Variants in CCDC148 observed in about 807,000 individuals in gnomAD.
CCDC148 encodes the protein coiled-coil domain containing 148.
CCDC148 carries 89 observed loss-of-function variants against 85.7 expected under a neutral mutation model. That is an observed-to-expected ratio of 1.04 (90% CI 0.87 to 1.24). CCDC148 has a LOEUF of 1.24. CCDC148 is among the 50% of genes most tolerant of loss of function. The probability of loss-of-function intolerance (pLI) is 0.00; values close to 1 mark genes in which losing one functional copy is unlikely to be tolerated. For synonymous variants in CCDC148, 230 were observed against 213.9 expected, an observed-to-expected ratio of 1.08 and a Z score of -0.66; for missense variants, 692 against 671.7, an observed-to-expected ratio of 1.03 and a Z score of -0.33.
chr2:158,185,914 T>C (rs879347782), intron 11 of CCDC148, among the ~76,000 whole-genome samples: 1 of 151,998 alleles, frequency 6.6e-6, no homozygotes, highest in Non-Finnish European at 1.5e-5. Flanking sequence ...CATGCCCCAA[T>C]AGTTTAAATA....
intron 1 of CCDC148, among the ~76,000 whole-genome samples, chr2:158,429,587 C>T (rs944017121): frequency 3.9e-5 from 6 of 152,068 alleles, no homozygotes; most frequent in East Asian, 1.9e-4. Flanking sequence ...ACATCCAATG[C>T]GTAAGTGCAT....
At chr2:158,354,298 T>C (rs1041186798) in intron 2 of CCDC148, among the ~76,000 whole-genome samples, 5 of 151,986 alleles carry the variant, frequency 3.3e-5, no homozygotes, top group African/African-American at 1.2e-4. Context: ...AGCTGGTTTT[T>C]TGAAAGGATC....
chr2:158,312,038 TTGCC>T (rs1692044628), intron 8 of CCDC148, among the ~76,000 whole-genome samples: 2 of 152,196 alleles, frequency 1.3e-5, no homozygotes, highest in African/African-American at 4.8e-5. Context: ...ATTCTTTATT[TTGCC>T]AGTATAGACC....
At chr2:158,194,796 C>T (rs1183825647) in intron 11 of CCDC148, among the ~76,000 whole-genome samples, 3 of 152,064 alleles carry the variant, frequency 2.0e-5, no homozygotes, top group Non-Finnish European at 4.4e-5. Context: ...AATGCCTGGT[C>T]CACAGTTCAC....
chr2:158,441,199 A>G (rs1393854113), intron 1 of CCDC148, among the ~76,000 whole-genome samples: 1 of 152,218 alleles, frequency 6.6e-6, no homozygotes, highest in Non-Finnish European at 1.5e-5. Context: ...TACTGGGGTG[A>G]GTGGATCACG....
chr2:158,268,508 C>T lies in CCDC148; in HGVS notation c.1111-17596G>A, dbSNP rs551775177. On this transcript the variant is annotated intron_variant, in intron 9 of 13. Coordinates refer to ENST00000283233, the MANE Select transcript of CCDC148 (RefSeq NM_138803.4). Reference sequence around the variant, plus strand: ...TATTAAGGTATACAACATGATGATTCTATATCTATGAATTTTGTGACATGA... The same window carrying T: ...TATTAAGGTATACAACATGATGATTTTATATCTATGAATTTTGTGACATGA... Among the ~76,000 whole-genome samples the T allele has an allele frequency of 3.0e-4, 46 of 152,166 alleles. 1 individual carries two copies. The highest frequency in any genetic ancestry group is 1.3e-3 in the Admixed American group (20 of 15,266).
At chr2:158,321,996 C>A (rs1278426774) in intron 7 of CCDC148, among the ~76,000 whole-genome samples, 1 of 152,126 alleles carries the variant, frequency 6.6e-6, no homozygotes, top group Admixed American at 6.6e-5. Flanking sequence ...ACGGCAATCT[C>A]CAATGCCCTG....
intron 9 of CCDC148, among the ~76,000 whole-genome samples, chr2:158,272,888 A>T (rs1041994391): frequency 1.4e-4 from 22 of 152,226 alleles, no homozygotes; most frequent in Non-Finnish European, 2.6e-4. Flanking sequence ...GGATATATTA[A>T]TTAGCATGAC....
chr2:158,436,202 T>G lies in CCDC148; in HGVS notation c.25+20213A>C, dbSNP rs373785578. On this transcript the variant is annotated intron_variant, in intron 1 of 13. Transcript: ENST00000283233. ...CTTCTCAGCACCCCATCACACTTATTCCAAAATTGACCACATAGTTGGAAG... is the reference window on the plus strand; with the variant it reads ...CTTCTCAGCACCCCATCACACTTATGCCAAAATTGACCACATAGTTGGAAG... 1.2e-4 allele frequency among the ~76,000 whole-genome samples: 19 copies of G among 152,264 alleles called. No individual in the cohort carries two copies. The East Asian group carries it at 3.3e-3, about 26-fold the overall frequency.
chr2:158,281,626 C>T (rs1039791796), intron 9 of CCDC148, among the ~76,000 whole-genome samples: 1 of 152,096 alleles, frequency 6.6e-6, no homozygotes, highest in Admixed American at 6.6e-5. Context: ...GAAATTGTGG[C>T]AATAATCAAC....
chr2:158,198,551 T>C (rs1036049981), intron 11 of CCDC148, among the ~76,000 whole-genome samples: 8 of 152,216 alleles, frequency 5.3e-5, no homozygotes, highest in African/African-American at 1.9e-4. Flanking sequence ...GAATTCATGA[T>C]GATTTTACAC....
intron 9 of CCDC148, among the ~76,000 whole-genome samples, chr2:158,286,842 G>A (rs1434473043): frequency 1.3e-5 from 2 of 152,128 alleles, no homozygotes; most frequent in African/African-American, 4.8e-5. Flanking sequence ...CTAGGATTAT[G>A]GGTCTGAGTA....
chr2:158,204,871 T>A (rs1030035699), intron 11 of CCDC148, among the ~76,000 whole-genome samples: 4 of 152,192 alleles, frequency 2.6e-5, no homozygotes, highest in African/African-American at 9.7e-5. Context: ...GCCACAGGAA[T>A]GTTCCCAGTA....
intron 11 of CCDC148, among the ~76,000 whole-genome samples, chr2:158,212,335 T>TACTC (rs1291064680): frequency 2.6e-5 from 4 of 152,234 alleles, no homozygotes; most frequent in African/African-American, 9.6e-5. Context: ...TTACTAAACA[T>TACTC]ACTCTTTAAA....
intron 10 of CCDC148, among the ~76,000 whole-genome samples, chr2:158,228,796 C>A (rs1207901130): frequency 1.1e-5 from 1 of 92,748 alleles, no homozygotes; most frequent in Non-Finnish European, 2.1e-5. Context: ...CATCACACAC[C>A]CGGGCCTGTT....
At position 158,358,578 on chromosome 2, in the gene CCDC148, T is replaced by C. The variant is rs1683779571; in HGVS notation, c.26-8A>G. 6.6e-7 allele frequency: 1 copy of C among 1,522,842 alleles called. No individual in the cohort carries two copies. Among genetic ancestry groups the C allele is most frequent in the South Asian group, 1.3e-5 (1 of 79,486 alleles). The allele number at this position is 1,522,842 out of a possible 1,614,324, so 94.3% of individuals were successfully genotyped here. On this transcript the variant is annotated splice_region_variant and splice_polypyrimidine_tract_variant and intron_variant, in intron 1 of 13. Transcript: ENST00000283233. The stretch of plus-strand genomic sequence containing the variant: ...TATGGAATACCAGATTATCTATTAG[T>C]CATAAAAATAGAAAAATGACAAAGA...
chr2:158,302,986 G>C (rs759846748), intron 9 of CCDC148, among the ~76,000 whole-genome samples: 4 of 152,050 alleles, frequency 2.6e-5, no homozygotes, highest in African/African-American at 9.7e-5. Context: ...ATCCTCTGGT[G>C]AGAGGCCTAA....
chr2:158,228,765 A>G (rs1687693033), intron 10 of CCDC148, among the ~76,000 whole-genome samples: 1 of 142,754 alleles, frequency 7.0e-6, no homozygotes, highest in Admixed American at 7.2e-5. Context: ...CAATGAGAAC[A>G]CATGGACACA....
At chr2:158,422,008 G>C (rs146753123) in intron 1 of CCDC148, among the ~76,000 whole-genome samples, 7,119 of 152,090 alleles carry the variant, frequency 0.047, 249 homozygotes, top group Non-Finnish European at 0.063. Flanking sequence ...ATAAATTCCT[G>C]GACACATACA....
Sources: allele counts gnomAD v4.1 joint callset (sites outside exome capture counted in the v4.1 genomes callset), GRCh38; gene constraint gnomAD v4.1.1; transcripts MANE v1.5; gene names NCBI Gene and HGNC (gene_info 2026-07-23, HGNC 2026-07-21).